WDR72: variants seen among roughly 807,000 people sequenced by gnomAD.
The protein encoded by WDR72 is WD repeat domain 72.
Under a neutral mutation model 124.2 loss-of-function variants are expected in WDR72, and 120 were observed. The observed-to-expected ratio is 0.97, with a 90% CI of 0.83 to 1.12. WDR72 has a LOEUF of 1.12. Ranked by LOEUF, WDR72 falls within the 50% of genes most tolerant of loss-of-function variation. The pLI is 0.00. For missense variants in WDR72, 1,387 were observed against 1,278.8 expected (o/e 1.08, Z -1.29); for synonymous variants, 452 against 441.7 (o/e 1.02, Z -0.29).
intron 2 of WDR72, among the ~76,000 whole-genome samples, chr15:53,725,232 G>A (rs1050287351): frequency 2.0e-5 from 3 of 151,902 alleles, no homozygotes; most frequent in Admixed American, 6.6e-5. Context: ...CATAAGAGAA[G>A]TGCAAATTAA....
rs182355357 is a variant in WDR72, at chr15:53,592,444, G to A, written c.3148+4635C>T. Among the ~76,000 whole-genome samples the A allele has an allele frequency of 4.6e-5, 7 of 152,122 alleles. No homozygotes were observed. The East Asian group carries it at 5.8e-4, about 13-fold the overall frequency. On this transcript the variant is annotated intron_variant, in intron 18 of 19. Transcript: ENST00000360509. ...GGCCAAGAAAGCCTGCCCTGGGCCC[G>A]TACTTCTGCAGGGCAGGATCACCAA...
At position 53,537,885 on chromosome 15, in the gene WDR72, C is replaced by T. The variant is rs151292987; in HGVS notation, c.3149-14563G>A. ...CTTCATTGAAGACTGTAGAAATCTA[C>T]AAGTTATTGTTAGTGGCCCCCTTTT... On this transcript the variant is annotated intron_variant, in intron 18 of 19. Coordinates refer to ENST00000360509, the MANE Select transcript of WDR72 (RefSeq NM_182758.4). Among the ~76,000 whole-genome samples the T allele has an allele frequency of 5.4e-3, 819 of 152,210 alleles. 19 individuals carry two copies. The highest frequency in any genetic ancestry group is 0.04 in the Admixed American group (614 of 15,288).
chr15:53,540,684 C>A (rs1480332504), intron 18 of WDR72, among the ~76,000 whole-genome samples: 1 of 152,028 alleles, frequency 6.6e-6, no homozygotes, highest in South Asian at 2.1e-4. Context: ...CAGCTCCCAG[C>A]GTGAGCGACG....
chr15:53,715,466 A>G, intron 4 of WDR72, 99 bp from the exon 5 acceptor site: 1 of 1,422,702 alleles, frequency 7.0e-7, no homozygotes, highest in Non-Finnish European at 9.8e-7. Context: ...TTAGCATATG[A>G]TCAATTAAGG....
At chr15:53,648,679 G>T (rs2015127988) in intron 14 of WDR72, among the ~76,000 whole-genome samples, 1 of 151,814 alleles carries the variant, frequency 6.6e-6, no homozygotes, top group Non-Finnish European at 1.5e-5. Flanking sequence ...TATTTGTGTG[G>T]CCACCAGATA....
intron 18 of WDR72, among the ~76,000 whole-genome samples, chr15:53,557,135 T>C (rs1028005610): frequency 6.6e-6 from 1 of 152,074 alleles, no homozygotes; most frequent in African/African-American, 2.4e-5. Context: ...GTTCTCAGTA[T>C]ATCAGGCTGT....
intron 19 of WDR72, among the ~76,000 whole-genome samples, chr15:53,521,527 T>A (rs1891794443): frequency 6.6e-6 from 1 of 152,132 alleles, no homozygotes; most frequent in Admixed American, 6.6e-5. Flanking sequence ...AGAACGGTAC[T>A]CACTTTTTGA....
intron 9 of WDR72, among the ~76,000 whole-genome samples, chr15:53,706,348 G>GTA (rs1450540976): frequency 0.17 from 9,659 of 55,972 alleles, 1,057 homozygotes; most frequent in Non-Finnish European, 0.21. Context: ...GTGTGTGTGT[G>GTA]TGTATATATA....
rs572884404 is a variant in WDR72, at chr15:53,520,063, T to C, written c.3254-2309A>G. 2.0e-5 allele frequency among the ~76,000 whole-genome samples: 3 copies of C among 152,200 alleles called. No homozygotes were observed. In the East Asian group the frequency reaches 5.8e-4, roughly 30 times the overall value. ...TCAACTTCACTTTTTCCAAAAACTTTTTCTGTGCTTCAATGTCCCTTTTGC... is the reference window on the plus strand; with the variant it reads ...TCAACTTCACTTTTTCCAAAAACTTCTTCTGTGCTTCAATGTCCCTTTTGC... On this transcript the variant is annotated intron_variant, in intron 19 of 19. Transcript: ENST00000360509.
intron 14 of WDR72, among the ~76,000 whole-genome samples, chr15:53,641,195 TACA>T (rs2014835695): frequency 6.6e-6 from 1 of 152,066 alleles, no homozygotes; most frequent in Admixed American, 6.6e-5. Flanking sequence ...CACTCAGTTA[TACA>T]AAAGCCTTTT....
At chr15:53,728,117 T>G (rs2140596021) in intron 2 of WDR72, among the ~76,000 whole-genome samples, 1 of 152,310 alleles carries the variant, frequency 6.6e-6, no homozygotes, top group Non-Finnish European at 1.5e-5. Flanking sequence ...AGAAAGAAGT[T>G]TAATGGACTT....
intron 14 of WDR72, among the ~76,000 whole-genome samples, chr15:53,658,474 G>A (rs1595825736): frequency 6.6e-6 from 1 of 152,104 alleles, no homozygotes; most frequent in East Asian, 1.9e-4. Context: ...AAACAACACT[G>A]GGGACATGAC....
intron 14 of WDR72, among the ~76,000 whole-genome samples, chr15:53,664,806 A>T (rs2015721900): frequency 6.6e-6 from 1 of 152,102 alleles, no homozygotes. Flanking sequence ...CAGCAATGAT[A>T]GACACACCAC....
At chr15:53,597,943 TAC>T (rs2012854836) in intron 17 of WDR72, among the ~76,000 whole-genome samples, 1 of 152,140 alleles carries the variant, frequency 6.6e-6, no homozygotes, top group Admixed American at 6.5e-5. Flanking sequence ...ACCTCAAGCT[TAC>T]ACAGACTTGG....
At chr15:53,758,939 A>G (rs1366866916) in intron 1 of WDR72, among the ~76,000 whole-genome samples, 1 of 152,034 alleles carries the variant, frequency 6.6e-6, no homozygotes, top group African/African-American at 2.4e-5. Flanking sequence ...CCAGTGCATC[A>G]CCTTTTCCAG....
intron 18 of WDR72, among the ~76,000 whole-genome samples, chr15:53,563,712 T>A (rs150951573): frequency 1.1e-4 from 17 of 151,896 alleles, no homozygotes; most frequent in African/African-American, 4.1e-4. Context: ...TCTTGCAGAA[T>A]GTTGGTTGGA....
intron 17 of WDR72, 146 bp downstream of exon 17, chr15:53,609,367 T>A (rs1365097393): frequency 1.4e-6 from 1 of 717,880 alleles, no homozygotes; most frequent in African/African-American, 1.8e-5. Flanking sequence ...TTATGGTCCG[T>A]GTTTTCCCTC....
At chr15:53,629,588 T>A (rs1377422400) in intron 14 of WDR72, among the ~76,000 whole-genome samples, 1 of 152,134 alleles carries the variant, frequency 6.6e-6, no homozygotes, top group Non-Finnish European at 1.5e-5. Context: ...ACTTCTAGGT[T>A]AATTAAGTTA....
chr15:53,725,388 G>T (rs1189971851), intron 2 of WDR72, among the ~76,000 whole-genome samples: 1 of 152,126 alleles, frequency 6.6e-6, no homozygotes, highest in East Asian at 1.9e-4. Flanking sequence ...CTTTGGAAAA[G>T]AGTACAGTAG....
Sources: allele counts gnomAD v4.1 joint callset (sites outside exome capture counted in the v4.1 genomes callset), GRCh38; gene constraint gnomAD v4.1.1; transcripts MANE v1.5; gene names NCBI Gene and HGNC (gene_info 2026-07-23, HGNC 2026-07-21).